APBB1IP: variants seen among roughly 807,000 people sequenced by gnomAD.
APBB1IP encodes the protein amyloid beta precursor protein binding family B member 1 interacting protein, also known as amyloid beta A4 precursor protein-binding family B member 1-interacting protein.
A neutral mutation model predicts 64.9 loss-of-function variants in APBB1IP; 27 were observed. That is an observed-to-expected ratio of 0.42 (90% CI 0.31 to 0.57). The LOEUF is 0.57. APBB1IP is among the 20% of genes least tolerant of loss of function. The pLI is 0.20. For synonymous variants in APBB1IP, 392 were observed against 331.0 expected, an observed-to-expected ratio of 1.18 and a Z score of -2.00; for missense variants, 812 against 845.5, an observed-to-expected ratio of 0.96 and a Z score of 0.49.
chr10:26,522,920 C>T (rs552275350), intron 8 of APBB1IP, among the ~76,000 whole-genome samples: 2 of 146,264 alleles, frequency 1.4e-5, no homozygotes, highest in African/African-American at 5.1e-5. Context: ...AGGAGAATCG[C>T]TTGAACCCGG....
At chr10:26,555,331 GCTT>G (rs1836881893) in intron 11 of APBB1IP, among the ~76,000 whole-genome samples, 1 of 152,108 alleles carries the variant, frequency 6.6e-6, no homozygotes, top group African/African-American at 2.4e-5. Context: ...TTCCACACCA[GCTT>G]AATTTCTGCT....
At chr10:26,484,630 T>C (rs1031469270) in intron 2 of APBB1IP, among the ~76,000 whole-genome samples, 4 of 152,180 alleles carry the variant, frequency 2.6e-5, no homozygotes, top group Non-Finnish European at 5.9e-5. Flanking sequence ...TGAAAAATAG[T>C]GTATCCTTTT....
intron 6 of APBB1IP, among the ~76,000 whole-genome samples, chr10:26,507,071 A>G (rs906297672): frequency 6.6e-6 from 1 of 152,146 alleles, no homozygotes. Flanking sequence ...GGAACTGAGG[A>G]CAGAGAGGCA....
At chr10:26,566,579 A>G (rs1837047240) in intron 14 of APBB1IP, among the ~76,000 whole-genome samples, 1 of 152,284 alleles carries the variant, frequency 6.6e-6, no homozygotes, top group Non-Finnish European at 1.5e-5. Flanking sequence ...TAGAAAAATG[A>G]TTATTTTTAA....
intron 2 of APBB1IP, among the ~76,000 whole-genome samples, chr10:26,447,888 G>A (rs1046575235): frequency 1.3e-5 from 2 of 151,868 alleles, no homozygotes; most frequent in African/African-American, 2.4e-5. Context: ...CTTCCACCTC[G>A]GCCTCCCAAA....
intron 6 of APBB1IP, among the ~76,000 whole-genome samples, chr10:26,506,248 T>TGGGG (rs1264191856): frequency 3.2e-5 from 1 of 30,828 alleles, no homozygotes. Flanking sequence ...ACCGTGTGTG[T>TGGGG]GTGGGGGGGG....
intron 8 of APBB1IP, among the ~76,000 whole-genome samples, chr10:26,523,264 G>A (rs888000578): frequency 6.6e-6 from 1 of 152,152 alleles, no homozygotes; most frequent in Non-Finnish European, 1.5e-5. Flanking sequence ...TCCTTCCAAG[G>A]TACTAGCCAA....
At chr10:26,505,933 C>T (rs182972183) in intron 6 of APBB1IP, among the ~76,000 whole-genome samples, 49 of 152,270 alleles carry the variant, frequency 3.2e-4, no homozygotes, top group African/African-American at 9.9e-4. Context: ...CCAGTCCCTG[C>T]ATGACATGGC....
intron 8 of APBB1IP, among the ~76,000 whole-genome samples, chr10:26,525,601 A>G (rs779171933): frequency 1.3e-5 from 2 of 152,208 alleles, no homozygotes; most frequent in Non-Finnish European, 2.9e-5. Context: ...TTAGAAGCCT[A>G]CTGTACAAAA....
chr10:26,566,050 G>C (rs543804932), intron 14 of APBB1IP, among the ~76,000 whole-genome samples: 4 of 152,286 alleles, frequency 2.6e-5, no homozygotes, highest in African/African-American at 9.6e-5. Flanking sequence ...TGCAGGAATG[G>C]GTAAAGGCCA....
intron 2 of APBB1IP, among the ~76,000 whole-genome samples, chr10:26,448,349 A>G (rs946768212): frequency 6.6e-6 from 1 of 152,304 alleles, no homozygotes; most frequent in Admixed American, 6.5e-5. Flanking sequence ...TAAAATTATT[A>G]ATGAGCTATT....
intron 2 of APBB1IP, among the ~76,000 whole-genome samples, chr10:26,461,225 T>C (rs1835588446): frequency 2.6e-5 from 4 of 152,078 alleles, no homozygotes; most frequent in Admixed American, 2.0e-4. Flanking sequence ...AGGAAAAACT[T>C]TTTTTCTTAT....
intron 6 of APBB1IP, among the ~76,000 whole-genome samples, chr10:26,511,095 C>T (rs59739980): frequency 0.078 from 11,887 of 152,086 alleles, 1,554 homozygotes; most frequent in African/African-American, 0.27. Flanking sequence ...GATCCCCGCA[C>T]TTTGAGAGGC....
intron 2 of APBB1IP, among the ~76,000 whole-genome samples, chr10:26,449,981 G>C (rs1441326898): frequency 6.6e-6 from 1 of 152,048 alleles, no homozygotes; most frequent in African/African-American, 2.4e-5. Flanking sequence ...ACTCCAACCT[G>C]GGTGACAGAG....
Position 26,509,961 on chromosome 10 carries a change from G to T in APBB1IP, c.532-1786G>T, listed in dbSNP as rs965971789. ...CTCTCTAACGAATAAGATCTTTTTT[G>T]TTGTTGTTGTTTTCTTTTCTTTTTT... On this transcript the variant is annotated intron_variant, in intron 6 of 14. Transcript: ENST00000376236. Among the ~76,000 whole-genome samples the T allele has an allele frequency of 5.3e-5, 8 of 152,080 alleles. No homozygotes were observed. In the East Asian group the frequency reaches 7.7e-4, roughly 15 times the overall value.
At chr10:26,447,374 CAAAAAAAAA>C (rs55948326) in intron 2 of APBB1IP, among the ~76,000 whole-genome samples, 1 of 55,022 alleles carries the variant, frequency 1.8e-5, no homozygotes, top group East Asian at 5.1e-4. Flanking sequence ...GACTCCGTCT[CAAAAAAAAA>C]AAAAAAAAAA....
At position 26,528,837 on chromosome 10, in the gene APBB1IP, T is replaced by C. The variant is rs59347046; in HGVS notation, c.814-4602T>C. Among the ~76,000 whole-genome samples, 971 of 152,274 alleles carry C rather than the reference T, an allele frequency of 6.4e-3. 17 individuals carry two copies. Among genetic ancestry groups the C allele is most frequent in the South Asian group, 0.055 (265 of 4,822 alleles). ...CTGTAGCCCCAGCTACTTGCAAGGCTGAGGTGGGAGAATTGCTTGAACCTG... is the reference window on the plus strand; with the variant it reads ...CTGTAGCCCCAGCTACTTGCAAGGCCGAGGTGGGAGAATTGCTTGAACCTG... On this transcript the variant is annotated intron_variant, in intron 8 of 14. Coordinates refer to ENST00000376236, the MANE Select transcript of APBB1IP (RefSeq NM_019043.4).
intron 8 of APBB1IP, among the ~76,000 whole-genome samples, chr10:26,521,584 G>A (rs768965437): frequency 6.6e-6 from 1 of 152,018 alleles, no homozygotes. Context: ...TTACTTATCT[G>A]TTCCCACATA....
chr10:26,511,430 G>A (rs910430381), intron 6 of APBB1IP, among the ~76,000 whole-genome samples: 7 of 152,324 alleles, frequency 4.6e-5, no homozygotes, highest in African/African-American at 1.2e-4. Flanking sequence ...ACAAGGGAAA[G>A]ATTATTGGGA....
Sources: gnomAD v4.1 joint callset for allele counts (sites outside exome capture counted in the v4.1 genomes callset) on GRCh38, gnomAD v4.1.1 for gene constraint, MANE v1.5 for transcripts, NCBI Gene and HGNC (gene_info 2026-07-23, HGNC 2026-07-21) for gene names.